The following SLCO1B1 variants were observed in gnomAD, a reference collection of about 807,000 sequenced individuals.
The protein encoded by SLCO1B1 is OATP-2.
In SLCO1B1, 81 loss-of-function variants were observed where a neutral mutation model predicts 70.1. That is an observed-to-expected ratio of 1.16 (90% confidence interval 0.97 to 1.39). The LOEUF (loss-of-function observed/expected upper bound fraction) is 1.39. Among genes scored for constraint, SLCO1B1 ranks in the 40% most tolerant of loss-of-function variants. The probability of loss-of-function intolerance (pLI) is 0.00; values close to 1 mark genes in which losing one functional copy is unlikely to be tolerated. For synonymous variants in SLCO1B1, 283 were observed against 271.5 expected (o/e 1.04, Z -0.42); for missense variants, 895 against 799.6 (o/e 1.12, Z -1.44).
chr12:21,183,845 A>G (rs1253547917), intron 7 of SLCO1B1, among the ~76,000 whole-genome samples: 1 of 152,210 alleles, frequency 6.6e-6, no homozygotes, highest in East Asian at 1.9e-4. Context: ...AATTTAAGGA[A>G]TTCAATAATT....
intron 8 of SLCO1B1, among the ~76,000 whole-genome samples, chr12:21,197,987 G>A (rs1288992651): frequency 6.6e-6 from 1 of 152,098 alleles, no homozygotes; most frequent in Non-Finnish European, 1.5e-5. Context: ...GTGAGGTGTT[G>A]ACAGCAGTTT....
At chr12:21,161,246 G>A (rs1485720920) in intron 2 of SLCO1B1, among the ~76,000 whole-genome samples, 1 of 152,140 alleles carries the variant, frequency 6.6e-6, no homozygotes, top group Non-Finnish European at 1.5e-5. Context: ...CAATAGCAAA[G>A]AAAGACATGG....
At chr12:21,235,798 CA>C (rs1292214456) in intron 14 of SLCO1B1, among the ~76,000 whole-genome samples, 1 of 150,704 alleles carries the variant, frequency 6.6e-6, no homozygotes, top group Non-Finnish European at 1.5e-5. Flanking sequence ...ACTTTATTCA[CA>C]AATCTTCATT....
chr12:21,176,784 A>G lies in SLCO1B1; in HGVS notation c.368A>G (p.Tyr123Cys). The G allele has an allele frequency of 6.5e-7, 1 of 1,532,870 alleles. No homozygotes were observed. The highest frequency in any genetic ancestry group is 9.0e-7 in the Non-Finnish European group (1 of 1,107,532). The allele number at this position is 1,532,870 out of a possible 1,614,324, so 95.0% of individuals were successfully genotyped here. A position where few individuals can be genotyped will look rare whatever the true frequency, so the allele number is the denominator to read the frequency against. Residue 123 changes from tyrosine (Y) to cysteine (C), a missense_variant, in exon 5 of 15, where the codon TAT (tyrosine) becomes TGT (cysteine). By Grantham distance (194) the Tyr-to-Cys change is radical. Transcript: ENST00000256958. ...CAGTGATGTTCTTACAGTTACAGGT[A>G]TTCTAAAGAAACTAATATCAATTCA... ...LPHFFMGYYR[Y>C]SKETNINSSE...
intron 14 of SLCO1B1, among the ~76,000 whole-genome samples, chr12:21,236,349 G>A (rs1941595606): frequency 6.6e-6 from 1 of 152,156 alleles, no homozygotes; most frequent in East Asian, 1.9e-4. Context: ...CAGTTTGTTG[G>A]ACATGTTTGC....
chr12:21,225,048 T>C (rs1941469116), intron 14 of SLCO1B1, among the ~76,000 whole-genome samples: 1 of 152,142 alleles, frequency 6.6e-6, no homozygotes, highest in Non-Finnish European at 1.5e-5. Flanking sequence ...TATTCTGTTA[T>C]ATACGAAGAA....
At position 21,178,905 on chromosome 12, in the gene SLCO1B1, C is replaced by T; in HGVS notation, c.629-17C>T. ...GCATTCTTGGCATCTAGTAAAATTGCTTTATAATATTTTCAGGTATATTGA... is the reference window on the plus strand; with the variant it reads ...GCATTCTTGGCATCTAGTAAAATTGTTTTATAATATTTTCAGGTATATTGA... On this transcript the variant is annotated splice_polypyrimidine_tract_variant and intron_variant, in intron 6 of 14. Coordinates refer to ENST00000256958, the MANE Select transcript of SLCO1B1 (RefSeq NM_006446.5). The T allele has an allele frequency of 6.3e-7, 1 of 1,575,960 alleles. No homozygotes were observed. The highest frequency in any genetic ancestry group is 8.7e-7 in the Non-Finnish European group (1 of 1,146,570).
At position 21,216,192 on chromosome 12, in the gene SLCO1B1, C is replaced by A. The variant is rs1298677982; in HGVS notation, c.1498-927C>A. Among the ~76,000 whole-genome samples the A allele has an allele frequency of 2.0e-5, 3 of 151,904 alleles. No homozygotes were observed. In the East Asian group the frequency reaches 5.8e-4, roughly 29 times the overall value. ...AATCCTCAATAATGAACCATCACTT[C>A]TTAAAATAGTGTTCTTTGTACCAAA... On this transcript the variant is annotated intron_variant, in intron 11 of 14. Transcript: ENST00000256958.
intron 11 of SLCO1B1, among the ~76,000 whole-genome samples, chr12:21,208,831 A>G (rs1941244335): frequency 6.6e-6 from 1 of 151,854 alleles, no homozygotes; most frequent in Non-Finnish European, 1.5e-5. Context: ...CCTAGTAGAG[A>G]TCTTTCACTT....
chr12:21,166,856 C>A (rs140871408), intron 2 of SLCO1B1, among the ~76,000 whole-genome samples: 6 of 152,086 alleles, frequency 3.9e-5, no homozygotes, highest in Admixed American at 2.0e-4. Context: ...TTTATAGCAG[C>A]CTTATTGATA....
intron 7 of SLCO1B1, among the ~76,000 whole-genome samples, chr12:21,195,222 T>G (rs959370702): frequency 2.6e-5 from 4 of 152,156 alleles, no homozygotes; most frequent in Non-Finnish European, 4.4e-5. Flanking sequence ...CCTCTCAAAT[T>G]TTGATTCTTT....
At chr12:21,228,457 A>G (rs1350655163) in intron 14 of SLCO1B1, among the ~76,000 whole-genome samples, 1 of 152,142 alleles carries the variant, frequency 6.6e-6, no homozygotes, top group Non-Finnish European at 1.5e-5. Context: ...TCCTCTGTGG[A>G]TTCTTTAAAT....
chr12:21,135,497 G>C (rs1368770138), intron 1 of SLCO1B1, among the ~76,000 whole-genome samples: 1 of 152,160 alleles, frequency 6.6e-6, no homozygotes, highest in Non-Finnish European at 1.5e-5. Context: ...CTAAGGACTT[G>C]CTTTATGAAT....
At chr12:21,157,455 TTAAC>T (rs1276757459) in intron 2 of SLCO1B1, among the ~76,000 whole-genome samples, 1 of 152,018 alleles carries the variant, frequency 6.6e-6, no homozygotes, top group Non-Finnish European at 1.5e-5. Context: ...AATTCAAAAT[TTAAC>T]TAAAACTATG....
chr12:21,223,122 C>T (rs1941446290), intron 13 of SLCO1B1, among the ~76,000 whole-genome samples: 3 of 152,070 alleles, frequency 2.0e-5, no homozygotes, highest in African/African-American at 7.2e-5. Flanking sequence ...GTTGTTAGTA[C>T]TCCTTCTCAT....
intron 1 of SLCO1B1, among the ~76,000 whole-genome samples, chr12:21,135,959 G>A (rs1480802098): frequency 2.0e-5 from 3 of 152,120 alleles, no homozygotes; most frequent in Admixed American, 6.6e-5. Context: ...GCATGTTTTT[G>A]CAGTGGCTGG....
intron 5 of SLCO1B1, 152 bp from the exon 6 acceptor site, chr12:21,178,424 A>G: frequency 3.2e-6 from 2 of 627,200 alleles, no homozygotes; most frequent in Non-Finnish European, 5.6e-6. Flanking sequence ...CTAATACACC[A>G]TATTGTCAAA....
At chr12:21,222,427 T>TATATATATAC (rs1241541102) in intron 13 of SLCO1B1, 63 bp downstream of exon 13, 16 of 101,048 alleles carry the variant, frequency 1.6e-4, no homozygotes, top group East Asian at 7.5e-4. Flanking sequence ...TATATATATA[T>TATATATATAC]ACACACACAC....
chr12:21,203,926 A>C (rs1941185437), intron 10 of SLCO1B1, among the ~76,000 whole-genome samples: 1 of 152,048 alleles, frequency 6.6e-6, no homozygotes, highest in South Asian at 2.1e-4. Flanking sequence ...GTTTCTTGAC[A>C]ACAAGGTTAG....
Sources: allele counts gnomAD v4.1 joint callset (sites outside exome capture counted in the v4.1 genomes callset), GRCh38; gene constraint gnomAD v4.1.1; transcripts MANE v1.5; gene names NCBI Gene and HGNC (gene_info 2026-07-23, HGNC 2026-07-21).